Variants in RELCH observed in about 807,000 individuals in gnomAD.
RELCH encodes the protein RAB11 binding and LisH domain, coiled-coil and HEAT repeat containing.
In RELCH, 41 loss-of-function variants were observed where a neutral mutation model predicts 150.3. The observed-to-expected ratio is 0.27, with a 90% confidence interval of 0.21 to 0.35. The LOEUF is 0.35. Among genes scored for constraint, RELCH ranks in the 10% least tolerant of loss-of-function variants. RELCH has a pLI of 1.00. For missense variants in RELCH, 1,092 were observed against 1,467.8 expected (o/e 0.74, Z 4.18); for synonymous variants, 478 against 531.8 (o/e 0.90, Z 1.39).
At chr18:62,265,521 T>C (rs1352926021) in intron 18 of RELCH, among the ~76,000 whole-genome samples, 1 of 152,058 alleles carries the variant, frequency 6.6e-6, no homozygotes, top group Admixed American at 6.6e-5. Context: ...AAAGGTGTAG[T>C]TTCTATAATC....
chr18:62,275,613 G>T, intron 22 of RELCH, 140 bp downstream of exon 22: 1 of 565,994 alleles, frequency 1.8e-6, no homozygotes. Flanking sequence ...AACAGTGTCT[G>T]GTTGTGTACT....
chr18:62,246,907 CT>C (rs997858641), intron 11 of RELCH: 2 of 152,210 alleles, frequency 1.3e-5, no homozygotes, highest in East Asian at 3.9e-4. Flanking sequence ...AGAAATAGCC[CT>C]AGAAGTACAC....
At chr18:62,250,581 A>G (rs1373312878) in intron 11 of RELCH, among the ~76,000 whole-genome samples, 1 of 152,228 alleles carries the variant, frequency 6.6e-6, no homozygotes, top group Non-Finnish European at 1.5e-5. Context: ...TGAGAAGTAG[A>G]AACAGAGGGT....
chr18:62,244,273 G>A (rs2042293988), intron 10 of RELCH, among the ~76,000 whole-genome samples: 1 of 152,048 alleles, frequency 6.6e-6, no homozygotes, highest in African/African-American at 2.4e-5. Context: ...TTTTAGTTAG[G>A]CACTGGGTCA....
chr18:62,305,019 A>G lies in RELCH; in HGVS notation c.3531-395A>G, dbSNP rs1237976227. On this transcript the variant is annotated intron_variant, in intron 28 of 28. Transcript: ENST00000644646. The surrounding 1 kb of genome is among the most constrained non-coding windows in gnomAD (Gnocchi z 4.0). Reference sequence around the variant, plus strand: ...TTAAATGAAGTGATAAAGAATAACTACTAACAATTACATCATGCTATTATG... The same window carrying G: ...TTAAATGAAGTGATAAAGAATAACTGCTAACAATTACATCATGCTATTATG... 6.6e-6 allele frequency among the ~76,000 whole-genome samples: 1 copy of G among 152,256 alleles called. No individual in the cohort carries two copies. Among genetic ancestry groups the G allele is most frequent in the South Asian group, 2.1e-4 (1 of 4,836 alleles).
intron 1 of RELCH, among the ~76,000 whole-genome samples, chr18:62,201,543 A>G (rs2039445516): frequency 6.6e-6 from 1 of 152,138 alleles, no homozygotes; most frequent in Non-Finnish European, 1.5e-5. Context: ...ATTAAAGTAT[A>G]TATTAAATGT....
At chr18:62,218,851 G>T (rs556338145) in intron 2 of RELCH, among the ~76,000 whole-genome samples, 3 of 152,018 alleles carry the variant, frequency 2.0e-5, no homozygotes, top group South Asian at 4.1e-4. Context: ...TTGCAAGGTT[G>T]TTCCGCACAA....
At chr18:62,268,355 T>C (rs992553635) in intron 19 of RELCH, among the ~76,000 whole-genome samples, 1 of 152,108 alleles carries the variant, frequency 6.6e-6, no homozygotes, top group Non-Finnish European at 1.5e-5. Flanking sequence ...GCATGATTCC[T>C]TCCCCCTCCA....
At chr18:62,204,499 T>C (rs1275341284) in intron 1 of RELCH, among the ~76,000 whole-genome samples, 1 of 152,000 alleles carries the variant, frequency 6.6e-6, no homozygotes, top group Admixed American at 6.6e-5. Context: ...GCCCAACTAA[T>C]TTTTCGATTT....
chr18:62,291,366 T>A (rs1012786103), intron 26 of RELCH, among the ~76,000 whole-genome samples, 177 bp from the exon 27 acceptor site: 1 of 152,206 alleles, frequency 6.6e-6, no homozygotes, highest in Non-Finnish European at 1.5e-5. Context: ...TGACTCCTGA[T>A]AAATAACTTA....
intron 2 of RELCH, among the ~76,000 whole-genome samples, chr18:62,218,320 T>C (rs2040612864): frequency 6.6e-6 from 1 of 151,794 alleles, no homozygotes; most frequent in Non-Finnish European, 1.5e-5. Flanking sequence ...AATGAAAAAA[T>C]ACTTCTTCAG....
rs374128269 is a variant in RELCH, at chr18:62,232,017, GC to G, written c.1525-312del. 1.5e-3 allele frequency among the ~76,000 whole-genome samples: 235 copies of G among 152,088 alleles called. 1 individual carries two copies. Among genetic ancestry groups the G allele is most frequent in the African/African-American group, 5.3e-3 (219 of 41,510 alleles). On this transcript the variant is annotated intron_variant, in intron 9 of 28. Transcript: ENST00000644646. ...AAAGACAAAAACGAACATTGAGGCT[GC>G]CCTACTCCTGTGCTATTACCCCTAC...
rs532850837 is a variant in RELCH at position 62,299,232 on chromosome 18, A to G, written c.3530+372A>G. 7.2e-5 allele frequency among the ~76,000 whole-genome samples: 11 copies of G among 152,332 alleles called. No individual in the cohort carries two copies. In the South Asian group the frequency reaches 2.3e-3, roughly 32 times the overall value. The stretch of plus-strand genomic sequence containing the variant: ...AGTTGTAAGATGAACAACGTACTGC[A>G]TAAAGGACTATCAACTTGGGAATGT... On this transcript the variant is annotated intron_variant, in intron 28 of 28. Coordinates refer to ENST00000644646, the MANE Select transcript of RELCH (RefSeq NM_001346231.2).
chr18:62,188,230 G>A (rs1375033506), intron 1 of RELCH, among the ~76,000 whole-genome samples, 199 bp downstream of exon 1: 2 of 152,178 alleles, frequency 1.3e-5, no homozygotes, highest in Non-Finnish European at 2.9e-5. Flanking sequence ...CCAACCCTTG[G>A]CTGGTGTTGC....
intron 1 of RELCH, among the ~76,000 whole-genome samples, chr18:62,208,000 CA>C (rs1180681429): frequency 1.3e-5 from 2 of 152,152 alleles, no homozygotes. Context: ...GCAGCTGTAC[CA>C]CTTTACATTA....
intron 11 of RELCH, among the ~76,000 whole-genome samples, chr18:62,252,157 G>A (rs2042742676): frequency 1.3e-5 from 2 of 148,856 alleles, no homozygotes; most frequent in Non-Finnish European, 3.0e-5. Flanking sequence ...CACCACGCCC[G>A]GCTAATTTTT....
intron 5 of RELCH, among the ~76,000 whole-genome samples, chr18:62,223,920 A>G (rs141201433): frequency 6.6e-6 from 1 of 152,286 alleles, no homozygotes; most frequent in Non-Finnish European, 1.5e-5. Flanking sequence ...CATTTCCCCA[A>G]CTGATAGAGG....
chr18:62,210,339 CT>C (rs1443172096), intron 1 of RELCH, among the ~76,000 whole-genome samples: 1 of 152,056 alleles, frequency 6.6e-6, no homozygotes, highest in South Asian at 2.1e-4. Flanking sequence ...TATGTTAGAC[CT>C]TTTTTATTGT....
intron 20 of RELCH, among the ~76,000 whole-genome samples, chr18:62,273,518 G>A (rs1057466717): frequency 2.0e-5 from 3 of 152,018 alleles, no homozygotes; most frequent in African/African-American, 4.8e-5. Flanking sequence ...ACAAAAATTC[G>A]TAAGGTAAAT....
Sources: gnomAD v4.1 joint callset for allele counts (sites outside exome capture counted in the v4.1 genomes callset) on GRCh38, gnomAD v4.1.1 for gene constraint, Gnocchi (gnomAD v3.1) non-coding constraint, MANE v1.5 for transcripts, NCBI Gene and HGNC (gene_info 2026-07-23, HGNC 2026-07-21) for gene names.